UGGT2: variants seen among roughly 807,000 people sequenced by gnomAD.
UGGT2 encodes the protein UDP-glucose glycoprotein glucosyltransferase 2.
UGGT2 carries 180 observed loss-of-function variants against 192.1 expected under a neutral mutation model. That is an observed-to-expected ratio of 0.94 (90% CI 0.83 to 1.06). UGGT2 has a LOEUF of 1.06. Ranked by LOEUF, UGGT2 falls within the 50% of genes least tolerant of loss-of-function variation. The pLI, the probability that UGGT2 is intolerant of heterozygous loss-of-function variation, is 0.00. For synonymous variants in UGGT2, 580 were observed against 591.0 expected (o/e 0.98, Z 0.27); for missense variants, 1,849 against 1,795.7 (o/e 1.03, Z -0.54).
intron 38 of UGGT2, among the ~76,000 whole-genome samples, chr13:95,808,088 C>T (rs907685111): frequency 5.9e-5 from 9 of 152,106 alleles, no homozygotes; most frequent in Admixed American, 4.6e-4. Context: ...TCTGGGTGGC[C>T]AGAGAGCATT....
At chr13:95,930,145 GATTT>G (rs538609373) in intron 17 of UGGT2, among the ~76,000 whole-genome samples, 19 of 152,172 alleles carry the variant, frequency 1.2e-4, no homozygotes, top group African/African-American at 2.9e-4. Context: ...TTCTTTGCTT[GATTT>G]ATTTGCTACT....
chr13:95,854,166 C>CAAGAGTGACTGGCATG (rs1197095787), intron 35 of UGGT2, 149 bp downstream of exon 35: 1 of 779,218 alleles, frequency 1.3e-6, no homozygotes, highest in East Asian at 2.7e-5. Flanking sequence ...TAAAGGCTTA[C>CAAGAGTGACTGGCATG]AAGAGTGACT....
At chr13:95,966,796 A>G (rs1002903283) in intron 12 of UGGT2, among the ~76,000 whole-genome samples, 1 of 152,190 alleles carries the variant, frequency 6.6e-6, no homozygotes, top group African/African-American at 2.4e-5. Flanking sequence ...AAAAAATTAA[A>G]ACTACCCATT....
chr13:95,846,240 C>G (rs535059267), intron 36 of UGGT2, among the ~76,000 whole-genome samples: 1 of 152,156 alleles, frequency 6.6e-6, no homozygotes, highest in Non-Finnish European at 1.5e-5. Flanking sequence ...CTGGCCGACA[C>G]GGCGAAACCC....
At chr13:95,902,683 C>T (rs560748265) in intron 21 of UGGT2, among the ~76,000 whole-genome samples, 171 bp downstream of exon 21, 5 of 151,778 alleles carry the variant, frequency 3.3e-5, no homozygotes, top group African/African-American at 9.7e-5. Flanking sequence ...CTAAATGCCT[C>T]TGTGCAGAGT....
intron 29 of UGGT2, among the ~76,000 whole-genome samples, chr13:95,868,411 C>G (rs1371214777): frequency 6.6e-6 from 1 of 151,932 alleles, no homozygotes; most frequent in African/African-American, 2.4e-5. Context: ...GCCTGGGCAA[C>G]AGTGAGACCT....
chr13:95,988,314 G>C (rs1280627948), intron 8 of UGGT2, among the ~76,000 whole-genome samples: 2 of 152,086 alleles, frequency 1.3e-5, no homozygotes, highest in African/African-American at 4.8e-5. Flanking sequence ...AAGTGATAAA[G>C]CCTGGCTGAT....
chr13:95,982,268 A>C (rs1025733811), intron 10 of UGGT2, among the ~76,000 whole-genome samples: 6 of 152,186 alleles, frequency 3.9e-5, no homozygotes, highest in Non-Finnish European at 8.8e-5. Flanking sequence ...TTATTTTCTA[A>C]CAAAGAACAG....
intron 20 of UGGT2, among the ~76,000 whole-genome samples, chr13:95,913,929 C>G (rs994231443): frequency 1.3e-5 from 2 of 152,092 alleles, no homozygotes; most frequent in African/African-American, 4.8e-5. Flanking sequence ...AGTTCATGTC[C>G]TTTGCCGGGA....
chr13:96,006,623 C>CAAAAA (rs61256349), intron 5 of UGGT2, among the ~76,000 whole-genome samples: 29 of 93,442 alleles, frequency 3.1e-4, no homozygotes, highest in African/African-American at 5.5e-4. Context: ...GATTCTGCCT[C>CAAAAA]AAAAAAAAAA....
At chr13:95,888,039 C>G in intron 25 of UGGT2, 68 bp from the exon 26 acceptor site, 1 of 1,089,370 alleles carries the variant, frequency 9.2e-7, no homozygotes, top group Non-Finnish European at 1.3e-6. Flanking sequence ...TATGTATTTA[C>G]TATGTACCAG....
At chr13:95,958,313 G>A (rs375013742) in intron 12 of UGGT2, among the ~76,000 whole-genome samples, 10 of 152,096 alleles carry the variant, frequency 6.6e-5, no homozygotes, top group Middle Eastern at 3.4e-3. Context: ...CACCATGCCC[G>A]GCTAATTTTT....
At chr13:95,988,783 T>G (rs1035430606) in intron 8 of UGGT2, among the ~76,000 whole-genome samples, 18 of 152,162 alleles carry the variant, frequency 1.2e-4, no homozygotes, top group African/African-American at 4.1e-4. Flanking sequence ...CTGTTAAGTG[T>G]ATATAAAGTT....
At chr13:96,029,027 T>TG (rs1305645662) in intron 2 of UGGT2, among the ~76,000 whole-genome samples, 1 of 151,372 alleles carries the variant, frequency 6.6e-6, no homozygotes, top group African/African-American at 2.4e-5. Context: ...GGTGGGCACC[T>TG]GTAGCCCCAG....
chr13:95,863,513 T>C, intron 31 of UGGT2, 116 bp downstream of exon 31: 1 of 730,128 alleles, frequency 1.4e-6, no homozygotes, highest in Non-Finnish European at 2.4e-6. Flanking sequence ...ATTTATCTTA[T>C]CCCTCCTAGA....
At chr13:95,983,978 G>T in intron 9 of UGGT2, 114 bp from the exon 10 acceptor site, 1 of 616,826 alleles carries the variant, frequency 1.6e-6, no homozygotes, top group Non-Finnish European at 2.5e-6. Context: ...CAAATCCTTT[G>T]TGACTGAAAA....
At chr13:95,943,075 G>GAAA (rs1430426412) in intron 15 of UGGT2, among the ~76,000 whole-genome samples, 3 of 152,026 alleles carry the variant, frequency 2.0e-5, no homozygotes, top group African/African-American at 4.8e-5. Context: ...ACGTTCTTTT[G>GAAA]ATAGATATGT....
chr13:95,977,881 T>G (rs941815593), intron 10 of UGGT2, among the ~76,000 whole-genome samples: 1 of 152,224 alleles, frequency 6.6e-6, no homozygotes, highest in Non-Finnish European at 1.5e-5. Context: ...AATGAGTTCA[T>G]GTCCTTTGCA....
In UGGT2 at chr13:96,013,449, T is replaced by G. The variant is rs752138361; in HGVS notation, c.518A>C (p.Lys173Thr). 1.1e-5 allele frequency: 18 copies of G among 1,599,728 alleles called. No homozygotes were observed. The Admixed American group carries it at 2.9e-4, about 25-fold the overall frequency. Residue 173 changes from lysine (K) to threonine (T), a missense_variant, in exon 5 of 39, where the codon AAA (lysine) becomes ACA (threonine). Physicochemically the swap from Lys to Thr is moderately conservative, Grantham distance 78 (BLOSUM62 -1). Transcript: ENST00000376747. Reference sequence around the variant, plus strand: ...TAAGTTCTCTTTGTTTGTAGGAAATTTGTGATCTCCTTTAAATAGATAAGG... The same window carrying G: ...TAAGTTCTCTTTGTTTGTAGGAAATGTGTGATCTCCTTTAAATAGATAAGG... ...TRPYLFKGDHKFPTNKENLPV... is the reference protein window; with the variant it reads ...TRPYLFKGDHTFPTNKENLPV...
Sources: gnomAD v4.1 joint callset for allele counts (sites outside exome capture counted in the v4.1 genomes callset) on GRCh38, gnomAD v4.1.1 for gene constraint, MANE v1.5 for transcripts, NCBI Gene and HGNC (gene_info 2026-07-23, HGNC 2026-07-21) for gene names.